Variants in RPAP1 observed in about 807,000 individuals in gnomAD.
RPAP1 encodes the protein RNA polymerase II associated protein 1.
In RPAP1, 109 loss-of-function variants were observed where a neutral mutation model predicts 142.4. The ratio of observed to expected loss-of-function variants is 0.77; its 90% CI spans 0.66 to 0.90. RPAP1 has a LOEUF of 0.90. Ranked by LOEUF, RPAP1 falls within the 40% of genes least tolerant of loss-of-function variation. The pLI is 0.00. For missense variants in RPAP1, 1,546 were observed against 1,751.7 expected, an observed-to-expected ratio of 0.88 and a Z score of 2.10; for synonymous variants, 704 against 738.9, an observed-to-expected ratio of 0.95 and a Z score of 0.77.
intron 20 of RPAP1, 94 bp from the exon 21 acceptor site, chr15:41,521,974 G>C (rs2289740): frequency 0.45 from 707,649 of 1,555,946 alleles, 163,297 homozygotes; most frequent in African/African-American, 0.65. Flanking sequence ...CTGAAGGGCA[G>C]AGGTCCAGGG....
chr15:41,532,108 G>A (rs1200368564), intron 6 of RPAP1, among the ~76,000 whole-genome samples: 2 of 150,554 alleles, frequency 1.3e-5, no homozygotes, highest in East Asian at 2.0e-4. Flanking sequence ...TGCAAGGTCC[G>A]CCTCCCGGGT....
At chr15:41,529,753 A>T (rs942110849) in intron 8 of RPAP1, 111 bp downstream of exon 8, 5 of 877,860 alleles carry the variant, frequency 5.7e-6, no homozygotes, top group African/African-American at 1.7e-5. Flanking sequence ...CAAAGGAGAG[A>T]TGCTTCTCAG....
intron 14 of RPAP1, among the ~76,000 whole-genome samples, chr15:41,525,614 G>A (rs748165987): frequency 4.6e-5 from 7 of 151,556 alleles, no homozygotes; most frequent in Non-Finnish European, 1.0e-4. Context: ...TGGGATTACA[G>A]GTGTGAGCCA....
chr15:41,536,244 G>A (rs1198400105), intron 3 of RPAP1, 26 bp from the exon 4 acceptor site: 1 of 1,603,778 alleles, frequency 6.2e-7, no homozygotes, highest in Admixed American at 1.7e-5. Flanking sequence ...ACAAAGTTGT[G>A]AAGCACAATG....
Position 41,524,175 on chromosome 15 carries a change from T to G in RPAP1, c.2155A>C (p.Met719Leu), listed in dbSNP as rs762349495. Reference protein sequence around the residue: ...LSTHPPQPLSMQRIASLLTLL... With the variant: ...LSTHPPQPLSLQRIASLLTLL... ...GTGAGCAGTGAGGCTATCCGCTGCA[T>G]GGACAGGGGTTGAGGTGGGTGGGTG... The change falls in exon 16 of 25, where the codon ATG (methionine) becomes CTG (leucine). Residue 719 changes from methionine (M) to leucine (L), a missense_variant. Coordinates refer to ENST00000304330, the MANE Select transcript of RPAP1 (RefSeq NM_015540.4). 7.5e-6 allele frequency: 12 copies of G among 1,596,166 alleles called. No individual in the cohort carries two copies. The highest frequency in any genetic ancestry group is 9.4e-6 in the Non-Finnish European group (11 of 1,170,146).
In RPAP1 at chr15:41,527,423, C is replaced by G. The variant is rs1488641532; in HGVS notation, c.1611G>C (p.Lys537Asn). 2 of 1,614,022 alleles carry G rather than the reference C, an allele frequency of 1.2e-6. No homozygotes were observed. The highest frequency in any genetic ancestry group is 2.2e-5 in the East Asian group (1 of 44,878). ...PPDLARHDVIKGLLATSLLPR... is the reference protein window; with the variant it reads ...PPDLARHDVINGLLATSLLPR... Reference sequence around the variant, plus strand: ...GATGGGAAAGAAGCTGTCCCTTTACCTTGATGACATCATGTCGGGCCAGGT... The same window carrying G: ...GATGGGAAAGAAGCTGTCCCTTTACGTTGATGACATCATGTCGGGCCAGGT... The change falls in exon 12 of 25, where the codon AAG (lysine) becomes AAC (asparagine). Residue 537 changes from lysine (K) to asparagine (N), a missense_variant and splice_region_variant. Lys to Asn is a moderately conservative substitution (Grantham distance 94, BLOSUM62 0). Transcript: ENST00000304330.
At position 41,522,178 on chromosome 15, in the gene RPAP1, G is replaced by T. The variant is rs143364157; in HGVS notation, c.2815C>A (p.His939Asn). The T allele has an allele frequency of 2.5e-5, 41 of 1,614,116 alleles. No homozygotes were observed. The East Asian group carries it at 8.7e-4, about 34-fold the overall frequency. Residue 939 changes from histidine (H) to asparagine (N), a missense_variant, in exon 20 of 25, where the codon CAC (histidine) becomes AAC (asparagine). By Grantham distance (68) the His-to-Asn change is moderately conservative. Coordinates refer to ENST00000304330, the MANE Select transcript of RPAP1 (RefSeq NM_015540.4). ...LQCVAPGAAP[H>N]LTPFSAWALR... Reference sequence around the variant, plus strand: ...GCCCATGCAGAGAAAGGTGTGAGGTGTGGGGCAGCCCCAGGAGCCACACAC... The same window carrying T: ...GCCCATGCAGAGAAAGGTGTGAGGTTTGGGGCAGCCCCAGGAGCCACACAC...
At chr15:41,535,016 A>G (rs541491390) in intron 5 of RPAP1, 81 bp from the exon 6 acceptor site, 134 of 1,355,764 alleles carry the variant, frequency 9.9e-5, no homozygotes, top group Non-Finnish European at 8.5e-5. Flanking sequence ...CTATAAGGCT[A>G]TTAGCCCTGG....
At chr15:41,525,988 C>T (rs567467866) in intron 14 of RPAP1, among the ~76,000 whole-genome samples, 146 of 151,970 alleles carry the variant, frequency 9.6e-4, no homozygotes, top group Middle Eastern at 3.4e-3. Flanking sequence ...CTTGCTCTGC[C>T]ACCCAGGCTG....
chr15:41,523,795 G>A lies in RPAP1; in HGVS notation c.2412C>T (p.Ala804=). 1 of 1,605,290 alleles carries A rather than the reference G, an allele frequency of 6.2e-7. No individual in the cohort carries two copies. Among genetic ancestry groups the A allele is most frequent in the Non-Finnish European group, 8.5e-7 (1 of 1,176,278 alleles). The change falls in exon 17 of 25, where the codon GCC becomes GCT. Residue 804 remains alanine, a synonymous_variant. Transcript: ENST00000304330. ...CTTGCTGGCTCCAGGCCTGGTAGTAGGCTCCCAGGAACAACAGGCAGGCAA... is the reference window on the plus strand; with the variant it reads ...CTTGCTGGCTCCAGGCCTGGTAGTAAGCTCCCAGGAACAACAGGCAGGCAA... ...VPVACLLFLG[A]YYQAWSQQPS... is the part of the protein sequence containing the mutation.
chr15:41,536,697 G>A (rs372744393), intron 2 of RPAP1, 48 bp from the exon 3 acceptor site: 2 of 1,596,500 alleles, frequency 1.3e-6, no homozygotes, highest in Non-Finnish European at 1.7e-6. Flanking sequence ...ACCTTCCTAG[G>A]AAGACACTGC....
At chr15:41,524,021 C>G (rs1035449814) in intron 16 of RPAP1, 49 bp from the exon 17 acceptor site, 3 of 1,608,518 alleles carry the variant, frequency 1.9e-6, no homozygotes, top group Non-Finnish European at 1.7e-6. Context: ...CTGCCTCACG[C>G]CCCTTTACAC....
chr15:41,527,478 C>T lies in RPAP1; in HGVS notation c.1556G>A (p.Ser519Asn). ...ECPAGKAKRK[S>N]PEEESRPPPD... ...TGGAGGCCGGCTTTCTTCTTCAGGG[C>T]TTTTCCTTTTTGCTTTTCCTGCTGG... Residue 519 changes from serine to asparagine, a missense_variant, in exon 12 of 25, where the codon AGC becomes AAC. Transcript: ENST00000304330. 6.2e-7 allele frequency: 1 copy of T among 1,614,210 alleles called. No homozygotes were observed.
At chr15:41,533,634 G>C (rs2051877387) in intron 6 of RPAP1, among the ~76,000 whole-genome samples, 1 of 151,974 alleles carries the variant, frequency 6.6e-6, no homozygotes. Context: ...TTCGAAACCA[G>C]CCTGGCCAAT....
chr15:41,523,283 C>T lies in RPAP1; in HGVS notation c.2508G>A (p.Leu836=). The T allele has an allele frequency of 6.2e-7, 1 of 1,612,362 alleles. No homozygotes were observed. The highest frequency in any genetic ancestry group is 1.1e-5 in the South Asian group (1 of 90,786). The change falls in exon 18 of 25, where the codon CTG becomes CTA. Residue 836 remains leucine, a synonymous_variant. Transcript: ENST00000304330. ...ACAGGCTGCCCAGTGTGGGCTGACT[C>T]AGCAGTGGCAGCAGCAGCTCCTCTG... ...RLSEELLLPL[L]SQPTLGSLWD... is the part of the protein sequence containing the mutation.
chr15:41,543,657 A>G (rs2051992550), intron 1 of RPAP1, among the ~76,000 whole-genome samples: 1 of 152,206 alleles, frequency 6.6e-6, no homozygotes, highest in South Asian at 2.1e-4. Flanking sequence ...AACCTCAGTA[A>G]CAATTATTTT....
intron 1 of RPAP1, 40 bp from the exon 2 acceptor site, chr15:41,537,241 C>A: frequency 2.0e-6 from 2 of 1,007,834 alleles, no homozygotes; most frequent in Non-Finnish European, 1.5e-6. Flanking sequence ...GCAACTGAAC[C>A]CTGATTCTCT....
chr15:41,534,583 CAAAAAAAAAA>C, intron 6 of RPAP1, 121 bp downstream of exon 6: 1 of 176,832 alleles, frequency 5.7e-6, no homozygotes, highest in Non-Finnish European at 1.0e-5. Flanking sequence ...AAGACCATCT[CAAAAAAAAAA>C]AAAAAAAAAA....
chr15:41,521,937 G>C, intron 20 of RPAP1, 57 bp from the exon 21 acceptor site: 2 of 1,591,032 alleles, frequency 1.3e-6, no homozygotes, highest in South Asian at 1.1e-5. Context: ...GTGGCAGAGA[G>C]AAGTGAGGAA....
Sources: gnomAD v4.1 joint callset for allele counts (sites outside exome capture counted in the v4.1 genomes callset) on GRCh38, gnomAD v4.1.1 for gene constraint, MANE v1.5 for transcripts, NCBI Gene and HGNC (gene_info 2026-07-23, HGNC 2026-07-21) for gene names.